The following KIAA1217 variants were observed in gnomAD, a reference collection of about 807,000 sequenced individuals.
KIAA1217 encodes the protein KIAA1217.
KIAA1217 carries 88 observed loss-of-function variants against 163.9 expected under a neutral mutation model. That is an observed-to-expected ratio of 0.54 (90% CI 0.45 to 0.64). The LOEUF (loss-of-function observed/expected upper bound fraction) is 0.64. Ranked by LOEUF, KIAA1217 falls within the 30% of genes least tolerant of loss-of-function variation. The probability of loss-of-function intolerance (pLI) is 0.00; values close to 1 mark genes in which losing one functional copy is unlikely to be tolerated. For missense variants in KIAA1217, 2,372 were observed against 2,475.0 expected, an observed-to-expected ratio of 0.96 and a Z score of 0.88; for synonymous variants, 903 against 923.1, an observed-to-expected ratio of 0.98 and a Z score of 0.39.
rs1428948401 is a variant in KIAA1217, at chr10:23,714,487, C to T, written c.-321+19253C>T. On this transcript the variant is annotated intron_variant, in intron 1 of 18. Coordinates refer to the KIAA1217 transcript ENST00000376462. ...ACACTAAGACTTTGGTAGAGTCCTT[C>T]CTCAATCAATCAATTGCAACTTGGA... Among the ~76,000 whole-genome samples, 4 of 152,078 alleles carry T rather than the reference C, an allele frequency of 2.6e-5. No individual in the cohort carries two copies. In the South Asian group the frequency reaches 6.2e-4, roughly 24 times the overall value.
At chr10:23,926,369 G>A (rs1843018577) in intron 1 of KIAA1217, among the ~76,000 whole-genome samples, 1 of 152,188 alleles carries the variant, frequency 6.6e-6, no homozygotes, top group South Asian at 2.1e-4. Flanking sequence ...TGAAAATGAT[G>A]ACCATGCTAA....
At chr10:23,979,616 C>T (rs989416203) in intron 1 of KIAA1217, among the ~76,000 whole-genome samples, 2 of 152,122 alleles carry the variant, frequency 1.3e-5, no homozygotes, top group African/African-American at 4.8e-5. Context: ...GTTGTTTTCC[C>T]AAGAGGGACT....
chr10:24,005,894 A>G (rs1488923825), intron 1 of KIAA1217, among the ~76,000 whole-genome samples: 1 of 152,164 alleles, frequency 6.6e-6, no homozygotes, highest in African/African-American at 2.4e-5. Context: ...TAGAACCTCG[A>G]ATATAGATTA....
chr10:23,725,109 C>T (rs1838065670), intron 1 of KIAA1217, among the ~76,000 whole-genome samples: 1 of 152,212 alleles, frequency 6.6e-6, no homozygotes, highest in Non-Finnish European at 1.5e-5. Context: ...ATGTCTTCAA[C>T]TACACCACTT....
At chr10:24,402,278 G>A (rs569457525) in intron 3 of KIAA1217, among the ~76,000 whole-genome samples, 5 of 152,170 alleles carry the variant, frequency 3.3e-5, no homozygotes, top group African/African-American at 1.2e-4. Context: ...AGGCCAAGGC[G>A]GGCGGATCAC....
chr10:23,789,747 G>C (rs146561629), intron 1 of KIAA1217, among the ~76,000 whole-genome samples: 776 of 151,890 alleles, frequency 5.1e-3, no homozygotes, highest in Non-Finnish European at 8.6e-3. Context: ...GCCAACTTTG[G>C]TTATAAGTAT....
intron 1 of KIAA1217, among the ~76,000 whole-genome samples, chr10:24,003,695 A>C (rs1846857705): frequency 6.6e-6 from 1 of 152,232 alleles, no homozygotes; most frequent in Admixed American, 6.5e-5. Context: ...ATACTGCGCT[A>C]TCACAGGATA....
intron 1 of KIAA1217, among the ~76,000 whole-genome samples, chr10:23,967,336 G>C (rs1392955112): frequency 1.3e-5 from 2 of 152,052 alleles, no homozygotes; most frequent in South Asian, 4.1e-4. Context: ...TGAGGTTTTA[G>C]AAAATTACAT....
At chr10:24,108,655 A>G (rs1204575988) in intron 2 of KIAA1217, among the ~76,000 whole-genome samples, 1 of 152,184 alleles carries the variant, frequency 6.6e-6, no homozygotes, top group Non-Finnish European at 1.5e-5. Context: ...ATATATCTGA[A>G]CTTTCAAGAA....
intron 2 of KIAA1217, among the ~76,000 whole-genome samples, chr10:24,289,465 A>T (rs993679721): frequency 2.0e-5 from 3 of 152,078 alleles, no homozygotes; most frequent in African/African-American, 7.2e-5. Flanking sequence ...GAGGGATGGA[A>T]ATATTTTTTC....
chr10:23,810,920 T>C (rs568242764), intron 1 of KIAA1217, among the ~76,000 whole-genome samples: 2 of 119,518 alleles, frequency 1.7e-5, no homozygotes, highest in African/African-American at 6.9e-5. Flanking sequence ...TATAGTATAA[T>C]AATATAGTAT....
At chr10:24,404,552 A>T (rs933489151) in intron 3 of KIAA1217, among the ~76,000 whole-genome samples, 3 of 141,368 alleles carry the variant, frequency 2.1e-5, no homozygotes, top group Admixed American at 7.1e-5. Context: ...GGGCAACAGA[A>T]TGAGACTCTG....
chr10:24,312,676 G>C (rs1359473237), intron 2 of KIAA1217, among the ~76,000 whole-genome samples: 2 of 152,112 alleles, frequency 1.3e-5, no homozygotes, highest in African/African-American at 4.8e-5. Context: ...CAACATTTTG[G>C]GAGGATGAGA....
chr10:24,244,056 G>A (rs751410106), intron 2 of KIAA1217, among the ~76,000 whole-genome samples: 11 of 152,150 alleles, frequency 7.2e-5, no homozygotes, highest in Middle Eastern at 6.3e-3. Context: ...CGTAGCACAG[G>A]CTTTCCACTG....
At chr10:23,801,707 G>A (rs1460533208) in intron 1 of KIAA1217, among the ~76,000 whole-genome samples, 1 of 152,154 alleles carries the variant, frequency 6.6e-6, no homozygotes, top group Non-Finnish European at 1.5e-5. Flanking sequence ...TGTAGATACT[G>A]TTATTATCCC....
intron 2 of KIAA1217, among the ~76,000 whole-genome samples, chr10:24,309,342 GCGCGCGCGCACA>G (rs1340799202): frequency 1.7e-5 from 1 of 57,342 alleles, no homozygotes; most frequent in Non-Finnish European, 3.3e-5. Context: ...GCGCGCGCAC[GCGCGCGCGCACA>G]CACACACACA....
chr10:23,891,513 G>C (rs1271412569), intron 1 of KIAA1217, among the ~76,000 whole-genome samples: 1 of 151,888 alleles, frequency 6.6e-6, no homozygotes, highest in African/African-American at 2.4e-5. Context: ...CTCATACCCT[G>C]ATCTTTGCCT....
chr10:23,943,846 T>C (rs772093919), intron 1 of KIAA1217, among the ~76,000 whole-genome samples: 3 of 152,126 alleles, frequency 2.0e-5, no homozygotes, highest in Non-Finnish European at 2.9e-5. Context: ...GGAAAGAAAG[T>C]CCTACCTACA....
chr10:24,086,081 C>T (rs956532792), intron 2 of KIAA1217, among the ~76,000 whole-genome samples: 5 of 152,070 alleles, frequency 3.3e-5, no homozygotes, highest in African/African-American at 1.2e-4. Flanking sequence ...TGATGCCCCT[C>T]AGCCTCCTAC....
Sources: allele counts gnomAD v4.1 joint callset (sites outside exome capture counted in the v4.1 genomes callset), GRCh38; gene constraint gnomAD v4.1.1; transcripts MANE v1.5; gene names NCBI Gene and HGNC (gene_info 2026-07-23, HGNC 2026-07-21).